MECOM: variants seen among roughly 807,000 people sequenced by gnomAD.
The protein encoded by MECOM is MDS1 and EVI1 complex locus, also known as histone-lysine N-methyltransferase MECOM.
A neutral mutation model predicts 116.3 loss-of-function variants in MECOM; 13 were observed. The observed-to-expected ratio is 0.11, with a 90% confidence interval of 0.07 to 0.18. The LOEUF is 0.18. Among genes scored for constraint, MECOM ranks in the 10% least tolerant of loss-of-function variants. The pLI is 1.00. For missense variants in MECOM, 1,299 were observed against 1,509.0 expected (o/e 0.86, Z 2.31); for synonymous variants, 528 against 535.2 (o/e 0.99, Z 0.19).
intron 1 of MECOM, among the ~76,000 whole-genome samples, chr3:169,479,997 C>T (rs1751045632): frequency 6.6e-6 from 1 of 152,216 alleles, no homozygotes; most frequent in African/African-American, 2.4e-5. Flanking sequence ...GCTAATCCAT[C>T]TGACTCCAGA....
chr3:169,337,318 T>C (rs912161179), intron 2 of MECOM, among the ~76,000 whole-genome samples: 2 of 152,172 alleles, frequency 1.3e-5, no homozygotes, highest in Admixed American at 1.3e-4. Context: ...CATTCATACA[T>C]CTGAATGACT....
intron 3 of MECOM, among the ~76,000 whole-genome samples, chr3:169,137,322 G>T (rs1452325327): frequency 6.6e-6 from 1 of 152,054 alleles, no homozygotes; most frequent in Non-Finnish European, 1.5e-5. Flanking sequence ...AGGAAACATA[G>T]TCTGGACCCT....
rs372954150 is a variant in MECOM, at chr3:169,381,379, A to G, written c.183T>C (p.Gly61=). Residue 61 remains glycine (G), a synonymous_variant, in exon 2 of 17, where the codon GGT becomes GGC. Transcript: ENST00000651503. ...TGTAGATGGGGGCTTTGTAAGGAGA[A>G]CCCTCCTTTGGAGTGAATGCTTCAC... ...TSSEAFTPKE[G]SPYKAPIYIP... is the part of the protein sequence containing the mutation. 5.5e-5 allele frequency: 89 copies of G among 1,613,744 alleles called. No individual in the cohort carries two copies. Among genetic ancestry groups the G allele is most frequent in the Non-Finnish European group, 7.2e-5 (85 of 1,179,824 alleles).
In MECOM at chr3:169,175,108, C is replaced by T. The variant is rs140268675; in HGVS notation, c.376-31276G>A. Reference sequence around the variant, plus strand: ...TTCTAGCTCTACAATTTTCAAGTTACCCAACTCACAAGTCTTTTTCCTCAT... The same window carrying T: ...TTCTAGCTCTACAATTTTCAAGTTATCCAACTCACAAGTCTTTTTCCTCAT... On this transcript the variant is annotated intron_variant, in intron 2 of 16. Coordinates refer to ENST00000651503, the MANE Select transcript of MECOM (RefSeq NM_004991.4). Among the ~76,000 whole-genome samples, 443 of 152,222 alleles carry T rather than the reference C, an allele frequency of 2.9e-3. 2 individuals are homozygous for T. The highest frequency in any genetic ancestry group is 0.01 in the African/African-American group (418 of 41,524).
intron 2 of MECOM, among the ~76,000 whole-genome samples, chr3:169,178,277 G>A (rs184546672): frequency 1.3e-5 from 2 of 152,320 alleles, no homozygotes; most frequent in East Asian, 3.9e-4. Flanking sequence ...AGATGATGGA[G>A]GGCCGCATGA....
rs1730958862 is a variant in MECOM at position 169,121,313 on chromosome 3, T to C, written c.979-104A>G. ...GAAATTTTTCTTATTTGTTTTGTTT[T>C]TCTTTTCCCCAAAGACCAAAAGTGT... On this transcript the variant is annotated intron_variant, in intron 6 of 16. Coordinates refer to ENST00000651503, the MANE Select transcript of MECOM (RefSeq NM_004991.4). 3 of 1,256,870 alleles carry C rather than the reference T, an allele frequency of 2.4e-6. No homozygotes were observed. In the South Asian group the frequency reaches 5.1e-5, roughly 21 times the overall value. The allele number at this position is 1,256,870 out of a possible 1,614,324, so 77.9% of individuals were successfully genotyped here.
chr3:169,659,221 G>A (rs1228745900), intron 1 of MECOM, among the ~76,000 whole-genome samples: 1 of 152,086 alleles, frequency 6.6e-6, no homozygotes, highest in African/African-American at 2.4e-5. Context: ...CAGAAAGCCT[G>A]GGAGCTGGGC....
intron 1 of MECOM, among the ~76,000 whole-genome samples, chr3:169,654,817 C>CACAT (rs1775339809): frequency 1.3e-5 from 2 of 149,088 alleles, no homozygotes; most frequent in Admixed American, 6.7e-5. Flanking sequence ...TATCAAAACA[C>CACAT]ACACACACAC....
chr3:169,271,613 T>C (rs1034877170), intron 2 of MECOM, among the ~76,000 whole-genome samples: 1 of 152,014 alleles, frequency 6.6e-6, no homozygotes, highest in Non-Finnish European at 1.5e-5. Flanking sequence ...TGTGGTGCAG[T>C]TGGGGGCTGG....
intron 2 of MECOM, among the ~76,000 whole-genome samples, chr3:169,368,724 T>C (rs1229669095): frequency 6.6e-6 from 1 of 152,046 alleles, no homozygotes; most frequent in Non-Finnish European, 1.5e-5. Context: ...ATATTAAGCA[T>C]CATAAAGAAT....
chr3:169,531,918 T>A (rs1437757922), intron 1 of MECOM, among the ~76,000 whole-genome samples: 1 of 152,164 alleles, frequency 6.6e-6, no homozygotes, highest in Non-Finnish European at 1.5e-5. Context: ...AAGTTTTAGA[T>A]CAAAAGGATC....
intron 2 of MECOM, among the ~76,000 whole-genome samples, chr3:169,214,493 AT>A (rs1357660903): frequency 4.0e-5 from 6 of 151,684 alleles, no homozygotes; most frequent in African/African-American, 1.4e-4. Context: ...TTCGTAAATC[AT>A]TTTTCAGTTA....
intron 2 of MECOM, among the ~76,000 whole-genome samples, chr3:169,380,056 C>A (rs1050261444): frequency 6.6e-6 from 1 of 152,070 alleles, no homozygotes; most frequent in Non-Finnish European, 1.5e-5. Context: ...TTTATTATGG[C>A]ATTTTGAACA....
intron 1 of MECOM, among the ~76,000 whole-genome samples, chr3:169,481,578 TA>T (rs144666569): frequency 8.2e-4 from 121 of 148,008 alleles, no homozygotes; most frequent in African/African-American, 1.9e-3. Context: ...TACTTAAAAA[TA>T]AAAAAAAAAC....
Position 169,102,245 on chromosome 3 carries a change from A to C in MECOM, c.2605-19T>G. On this transcript the variant is annotated intron_variant, in intron 10 of 16. Coordinates refer to ENST00000651503, the MANE Select transcript of MECOM (RefSeq NM_004991.4). ...CTGACATCTGAAAGGTAAAAGCACA[A>C]GACCATGAAGCGTTTGGCATCTTGT... is the stretch of plus-strand genomic sequence containing the variant. 1 of 1,596,490 alleles carries C rather than the reference A, an allele frequency of 6.3e-7. No individual in the cohort carries two copies. The highest frequency in any genetic ancestry group is 1.1e-5 in the South Asian group (1 of 88,928).
chr3:169,142,413 G>A (rs1306502900), intron 3 of MECOM, among the ~76,000 whole-genome samples: 1 of 151,850 alleles, frequency 6.6e-6, no homozygotes, highest in Non-Finnish European at 1.5e-5. Context: ...CAATACCTAT[G>A]TATTTCTCAC....
chr3:169,307,996 C>T (rs1718028193), intron 2 of MECOM, among the ~76,000 whole-genome samples: 2 of 152,206 alleles, frequency 1.3e-5, no homozygotes, highest in African/African-American at 2.4e-5. Context: ...CAAGTATTTA[C>T]CCACACTATT....
At chr3:169,266,862 C>G (rs1343493693) in intron 2 of MECOM, among the ~76,000 whole-genome samples, 1 of 146,054 alleles carries the variant, frequency 6.8e-6, no homozygotes, top group Non-Finnish European at 1.5e-5. Flanking sequence ...TTATTCAGGT[C>G]ATTATAGGGA....
At chr3:169,353,643 A>G (rs767010381) in intron 2 of MECOM, among the ~76,000 whole-genome samples, 33 of 151,884 alleles carry the variant, frequency 2.2e-4, no homozygotes, top group Non-Finnish European at 4.4e-4. Flanking sequence ...TAGCCAAAAC[A>G]TTAGAGAGGG....
Sources: allele counts gnomAD v4.1 joint callset (sites outside exome capture counted in the v4.1 genomes callset), GRCh38; gene constraint gnomAD v4.1.1; transcripts MANE v1.5; gene names NCBI Gene and HGNC (gene_info 2026-07-23, HGNC 2026-07-21).